The following CNTNAP2 variants were observed in gnomAD, a reference collection of about 807,000 sequenced individuals.
The protein encoded by CNTNAP2 is contactin-associated protein-like 2.
CNTNAP2 carries 98 observed loss-of-function variants against 155.2 expected under a neutral mutation model. The ratio of observed to expected loss-of-function variants is 0.63; its 90% CI spans 0.54 to 0.75. The LOEUF is 0.75. Ranked by LOEUF, CNTNAP2 falls within the 30% of genes least tolerant of loss-of-function variation. The pLI, the probability that CNTNAP2 is intolerant of heterozygous loss-of-function variation, is 0.00. For synonymous variants in CNTNAP2, 651 were observed against 631.2 expected, an observed-to-expected ratio of 1.03 and a Z score of -0.47; for missense variants, 1,727 against 1,688.1, an observed-to-expected ratio of 1.02 and a Z score of -0.40.
At chr7:148,301,153 G>T (rs1265501863) in intron 21 of CNTNAP2, among the ~76,000 whole-genome samples, 1 of 151,792 alleles carries the variant, frequency 6.6e-6, no homozygotes, top group Non-Finnish European at 1.5e-5. Flanking sequence ...AATTGGCTGG[G>T]CATGGTGGCA....
chr7:147,599,859 C>T (rs556385266), intron 12 of CNTNAP2, among the ~76,000 whole-genome samples: 12 of 152,286 alleles, frequency 7.9e-5, no homozygotes, highest in Admixed American at 7.9e-4. Flanking sequence ...AATAAGATCA[C>T]ATTCACAGTT....
chr7:146,645,466 A>G lies in CNTNAP2; in HGVS notation c.98-128805A>G, dbSNP rs528486889. Among the ~76,000 whole-genome samples, 5 of 152,284 alleles carry G rather than the reference A, an allele frequency of 3.3e-5. No homozygotes were observed. In the South Asian group the frequency reaches 1.0e-3, roughly 32 times the overall value. On this transcript the variant is annotated intron_variant, in intron 1 of 23. Coordinates refer to ENST00000361727, the MANE Select transcript of CNTNAP2 (RefSeq NM_014141.6). The stretch of plus-strand genomic sequence containing the variant: ...ACAGTGCCAGTGGAGAAGGGTTTCT[A>G]TCCCGTCATGTTCTATAATATGTAT...
chr7:147,596,258 A>T (rs542414886), intron 12 of CNTNAP2, among the ~76,000 whole-genome samples: 2,347 of 152,106 alleles, frequency 0.015, 25 homozygotes, highest in Non-Finnish European at 0.024. Context: ...ACTCTCTTTT[A>T]CTACCTGCCA....
chr7:146,689,182 G>A (rs1283075283), intron 1 of CNTNAP2, among the ~76,000 whole-genome samples: 1 of 151,810 alleles, frequency 6.6e-6, no homozygotes, highest in Non-Finnish European at 1.5e-5. Context: ...AAGGTTACTC[G>A]GGTAACCTTG....
chr7:147,237,000 C>T (rs1486690708), intron 8 of CNTNAP2, among the ~76,000 whole-genome samples: 1 of 146,486 alleles, frequency 6.8e-6, no homozygotes, highest in African/African-American at 2.5e-5. Context: ...CTTTTCTTGT[C>T]TGCGTATCTA....
intron 1 of CNTNAP2, among the ~76,000 whole-genome samples, chr7:146,151,442 T>A (rs1199305236): frequency 1.3e-5 from 2 of 151,168 alleles, no homozygotes; most frequent in African/African-American, 4.9e-5. Flanking sequence ...CTCTGCTTTA[T>A]GAATTCAATT....
intron 10 of CNTNAP2, among the ~76,000 whole-genome samples, chr7:147,459,652 T>C (rs1797982638): frequency 6.6e-6 from 1 of 152,046 alleles, no homozygotes; most frequent in Non-Finnish European, 1.5e-5. Flanking sequence ...AAATGGGCCA[T>C]GAGCCAAGGA....
chr7:147,580,922 TTGTTTATC>T (rs1231686160), intron 12 of CNTNAP2, among the ~76,000 whole-genome samples: 1 of 152,192 alleles, frequency 6.6e-6, no homozygotes, highest in Non-Finnish European at 1.5e-5. Context: ...AGCCCATTAT[TTGTTTATC>T]TAATAGCTTA....
chr7:147,669,538 T>C (rs1795752930), intron 13 of CNTNAP2, among the ~76,000 whole-genome samples: 1 of 152,172 alleles, frequency 6.6e-6, no homozygotes. Flanking sequence ...CCATCCTACA[T>C]TTTTACCCAA....
At chr7:148,165,226 C>T (rs920983453) in intron 17 of CNTNAP2, among the ~76,000 whole-genome samples, 1 of 152,204 alleles carries the variant, frequency 6.6e-6, no homozygotes, top group African/African-American at 2.4e-5. Context: ...CGTGTCTTCA[C>T]TTGATCTTTT....
intron 15 of CNTNAP2, among the ~76,000 whole-genome samples, chr7:148,106,499 T>TAG (rs1804223618): frequency 7.9e-6 from 1 of 127,174 alleles, no homozygotes; most frequent in African/African-American, 3.3e-5. Context: ...TTGAGATATA[T>TAG]ATATATATAT....
chr7:147,638,742 A>T (rs933199081), intron 12 of CNTNAP2: 1 of 405,670 alleles, frequency 2.5e-6, no homozygotes, highest in Non-Finnish European at 4.9e-6. Context: ...ATCCTGTTCC[A>T]CCAGAGGAAT....
intron 1 of CNTNAP2, among the ~76,000 whole-genome samples, chr7:146,684,338 C>CA (rs1800556868): frequency 6.6e-6 from 1 of 152,042 alleles, no homozygotes; most frequent in African/African-American, 2.4e-5. Flanking sequence ...GAGAATAAAA[C>CA]AAAAATTCCC....
intron 11 of CNTNAP2, among the ~76,000 whole-genome samples, chr7:147,552,936 C>G (rs373681535): frequency 1.3e-5 from 2 of 152,006 alleles, no homozygotes; most frequent in African/African-American, 2.4e-5. Flanking sequence ...AATGACAGTG[C>G]AAGACACAGG....
intron 3 of CNTNAP2, among the ~76,000 whole-genome samples, chr7:146,857,905 G>A (rs753755313): frequency 6.6e-6 from 1 of 152,072 alleles, no homozygotes; most frequent in Non-Finnish European, 1.5e-5. Context: ...TAAGGTGAAG[G>A]GGGTGATAAG....
chr7:147,349,431 T>C (rs1795932625), intron 9 of CNTNAP2, among the ~76,000 whole-genome samples: 1 of 151,922 alleles, frequency 6.6e-6, no homozygotes, highest in Non-Finnish European at 1.5e-5. Context: ...ATATTTTTCC[T>C]TGTGAATTTT....
At chr7:147,566,051 C>A (rs1475526753) in intron 12 of CNTNAP2, among the ~76,000 whole-genome samples, 1 of 148,502 alleles carries the variant, frequency 6.7e-6, no homozygotes, top group Non-Finnish European at 1.5e-5. Context: ...GAGGCCAAGA[C>A]AGGTGGATCG....
intron 2 of CNTNAP2, among the ~76,000 whole-genome samples, chr7:146,777,717 A>G (rs1412826488): frequency 6.6e-6 from 1 of 152,070 alleles, no homozygotes; most frequent in Non-Finnish European, 1.5e-5. Context: ...GAGAGTGCCC[A>G]CCATGCCTGG....
chr7:146,470,520 T>A (rs1258420862), intron 1 of CNTNAP2, among the ~76,000 whole-genome samples: 1 of 152,132 alleles, frequency 6.6e-6, no homozygotes, highest in Non-Finnish European at 1.5e-5. Flanking sequence ...CTTTCTAATT[T>A]TTCTTGGTTG....
Sources: allele counts gnomAD v4.1 joint callset (sites outside exome capture counted in the v4.1 genomes callset), GRCh38; gene constraint gnomAD v4.1.1; transcripts MANE v1.5; gene names NCBI Gene and HGNC (gene_info 2026-07-23, HGNC 2026-07-21).